The following WNK1 variants were observed in gnomAD, a reference collection of about 807,000 sequenced individuals.
WNK1 encodes the protein serine/threonine-protein kinase WNK1.
Under a neutral mutation model 222.8 loss-of-function variants are expected in WNK1, and 38 were observed. The observed-to-expected ratio is 0.17, with a 90% confidence interval of 0.13 to 0.22. The LOEUF (loss-of-function observed/expected upper bound fraction) is 0.22. WNK1 is among the 10% of genes least tolerant of loss of function. The probability of loss-of-function intolerance (pLI) is 1.00; values close to 1 mark genes in which losing one functional copy is unlikely to be tolerated. For synonymous variants in WNK1, 1,090 were observed against 1,092.9 expected (o/e 1.00, Z 0.05); for missense variants, 2,348 against 2,918.4 (o/e 0.80, Z 4.50).
intron 26 of WNK1, among the ~76,000 whole-genome samples, chr12:904,889 G>A (rs916931002): frequency 5.3e-5 from 8 of 152,238 alleles, no homozygotes; most frequent in Non-Finnish European, 5.9e-5. Flanking sequence ...TGGGAGATGT[G>A]TGCTAGATTG....
At chr12:860,918 T>C in intron 6 of WNK1, 95 bp from the exon 7 acceptor site, 2 of 1,252,310 alleles carry the variant, frequency 1.6e-6, no homozygotes, top group Admixed American at 1.9e-5. Flanking sequence ...TCTACTTTTT[T>C]TACAATGCCT....
intron 22 of WNK1, among the ~76,000 whole-genome samples, chr12:891,327 A>G (rs1954208357): frequency 6.6e-6 from 1 of 152,168 alleles, no homozygotes; most frequent in Non-Finnish European, 1.5e-5. Flanking sequence ...TAGTAGAGAC[A>G]GGGTTTCTCC....
chr12:816,822 C>CA (rs1295440101), intron 2 of WNK1, among the ~76,000 whole-genome samples: 1 of 152,062 alleles, frequency 6.6e-6, no homozygotes, highest in Non-Finnish European at 1.5e-5. Flanking sequence ...TGAATAGACA[C>CA]AACCAGAAAA....
intron 9 of WNK1, among the ~76,000 whole-genome samples, chr12:876,135 C>T (rs1411892080): frequency 2.0e-5 from 3 of 152,154 alleles, no homozygotes; most frequent in South Asian, 4.1e-4. Flanking sequence ...GAGGCCGGGG[C>T]GCGGTGGCTC....
intron 1 of WNK1, among the ~76,000 whole-genome samples, chr12:801,336 G>A (rs959802446): frequency 3.9e-5 from 6 of 152,208 alleles, no homozygotes; most frequent in Admixed American, 2.0e-4. Flanking sequence ...GCTTAGCAGC[G>A]TTGAAAATTG....
At chr12:864,123 T>TTTTTTTTTTG (rs71051398) in intron 8 of WNK1, among the ~76,000 whole-genome samples, 1 of 147,216 alleles carries the variant, frequency 6.8e-6, no homozygotes, top group Non-Finnish European at 1.5e-5. Flanking sequence ...TTTTTTTTTT[T>TTTTTTTTTTG]TTTTGACAGC....
chr12:856,890 G>A (rs1019444046), intron 4 of WNK1, among the ~76,000 whole-genome samples: 4 of 152,138 alleles, frequency 2.6e-5, no homozygotes, highest in Non-Finnish European at 5.9e-5. Context: ...TCCTTTACTT[G>A]AAACACAGCA....
At chr12:822,087 CTTTTTTTTTTTT>C (rs376271992) in intron 2 of WNK1, among the ~76,000 whole-genome samples, 2 of 71,430 alleles carry the variant, frequency 2.8e-5, no homozygotes, top group South Asian at 6.2e-4. Flanking sequence ...TGTCTTATAC[CTTTTTTTTTTTT>C]TTTTTTTTTT....
intron 2 of WNK1, among the ~76,000 whole-genome samples, chr12:815,381 G>A (rs1283630089): frequency 1.3e-5 from 2 of 152,182 alleles, no homozygotes; most frequent in South Asian, 4.1e-4. Context: ...CAGTGTTACA[G>A]CACCTGGATA....
intron 26 of WNK1, among the ~76,000 whole-genome samples, chr12:903,781 T>C (rs531843893): frequency 3.3e-5 from 5 of 152,298 alleles, no homozygotes; most frequent in Admixed American, 1.3e-4. Context: ...AAACAGGTAC[T>C]TGAAAGAGTA....
At chr12:850,547 T>C (rs1173556377) in intron 4 of WNK1, among the ~76,000 whole-genome samples, 3 of 152,158 alleles carry the variant, frequency 2.0e-5, no homozygotes, top group Non-Finnish European at 4.4e-5. Flanking sequence ...GTAGTTTCTT[T>C]TGCTGTGCAG....
rs1956056694 is a variant in WNK1, at chr12:911,191, A to C, written c.*2399A>C. ...AACTGTTTAAATTATTTTTGTGTTAATAGTACACTTTGAGTATCTTTTTCC... is the reference window on the plus strand; with the variant it reads ...AACTGTTTAAATTATTTTTGTGTTACTAGTACACTTTGAGTATCTTTTTCC... On this transcript the variant is annotated 3_prime_UTR_variant, in exon 28 of 28. Coordinates refer to ENST00000315939, the MANE Select transcript of WNK1 (RefSeq NM_018979.4). 1 of 397,880 alleles carries C rather than the reference A, an allele frequency of 2.5e-6. No homozygotes were observed. Among genetic ancestry groups the C allele is most frequent in the African/African-American group, 2.1e-5 (1 of 48,630 alleles). The allele number at this position is 397,880 out of a possible 1,614,324, so 24.6% of individuals were successfully genotyped here. A position where few individuals can be genotyped will look rare whatever the true frequency, so the allele number is the denominator to read the frequency against.
chr12:858,639 T>G lies in WNK1; in HGVS notation c.1401-606T>G, dbSNP rs185009424. ...AGAACTTACTGGTGTAAATAAAGCT[T>G]GCTGTGGTAGAAAGTACCAAACTAG... is the stretch of plus-strand genomic sequence containing the variant. On this transcript the variant is annotated intron_variant, in intron 5 of 27. Transcript: ENST00000315939. Among the ~76,000 whole-genome samples the G allele has an allele frequency of 9.8e-5, 15 of 152,320 alleles. No homozygotes were observed. In the East Asian group the frequency reaches 2.5e-3, roughly 25 times the overall value.
At chr12:792,308 CTTTTTTTTT>C (rs35838951) in intron 1 of WNK1, among the ~76,000 whole-genome samples, 1,060 of 89,110 alleles carry the variant, frequency 0.012, 10 homozygotes, top group Non-Finnish European at 0.016. Context: ...TACTGTTATT[CTTTTTTTTT>C]TTTTTTTTTT....
rs938270176 is a variant in WNK1, at chr12:898,632, G to A, written c.6448+951G>A. On this transcript the variant is annotated intron_variant, in intron 25 of 27. Coordinates refer to ENST00000315939, the MANE Select transcript of WNK1 (RefSeq NM_018979.4). ...TGCCCAGACTGGAGTGCAGTGGTGT[G>A]ATCATAGCACACAACACAACAGCCT... Among the ~76,000 whole-genome samples, 7 of 152,248 alleles carry A rather than the reference G, an allele frequency of 4.6e-5. No homozygotes were observed. In the South Asian group the frequency reaches 1.5e-3, roughly 32 times the overall value.
intron 1 of WNK1, among the ~76,000 whole-genome samples, chr12:776,410 GTT>G (rs1491131448): frequency 1.4e-4 from 14 of 98,550 alleles, no homozygotes; most frequent in Non-Finnish European, 2.0e-4. Flanking sequence ...GTGTTTGTGT[GTT>G]TGTGTGTGTG....
intron 1 of WNK1, among the ~76,000 whole-genome samples, chr12:778,107 A>G (rs1427415639): frequency 6.6e-6 from 1 of 152,144 alleles, no homozygotes; most frequent in East Asian, 1.9e-4. Flanking sequence ...AACCTAAGCA[A>G]TTTCACCTTT....
At chr12:762,754 A>AT (rs1245813216) in intron 1 of WNK1, among the ~76,000 whole-genome samples, 15 of 142,144 alleles carry the variant, frequency 1.1e-4, no homozygotes, top group Non-Finnish European at 1.4e-4. Context: ...CCTGCTTTTC[A>AT]TTTTTTTTTT....
chr12:854,604 T>C (rs1291408841), intron 4 of WNK1, among the ~76,000 whole-genome samples: 1 of 152,044 alleles, frequency 6.6e-6, no homozygotes, highest in African/African-American at 2.4e-5. Context: ...TGCCTCGGCC[T>C]CCCAAAGTGC....
Sources: allele counts gnomAD v4.1 joint callset (sites outside exome capture counted in the v4.1 genomes callset), GRCh38; gene constraint gnomAD v4.1.1; transcripts MANE v1.5; gene names NCBI Gene and HGNC (gene_info 2026-07-23, HGNC 2026-07-21).